The following C15orf40 variants were observed in gnomAD, a reference collection of about 807,000 sequenced individuals.
C15orf40 encodes the protein chromosome 15 open reading frame 40, also known as UPF0235 protein C15orf40.
C15orf40 carries 9 observed loss-of-function variants against 13.9 expected under a neutral mutation model. The observed-to-expected ratio is 0.65, with a 90% CI of 0.39 to 1.13. The LOEUF is 1.13. Ranked by LOEUF, C15orf40 falls within the 50% of genes most tolerant of loss-of-function variation. C15orf40 has a pLI of 0.01. For synonymous variants in C15orf40, 95 were observed against 69.2 expected, an observed-to-expected ratio of 1.37 and a Z score of -1.85; for missense variants, 225 against 188.5, an observed-to-expected ratio of 1.19 and a Z score of -1.13.
chr15:83,003,671 C>T lies in C15orf40; in HGVS notation c.*1926G>A, dbSNP rs1397844588. 1 of 152,198 alleles carries T rather than the reference C, an allele frequency of 6.6e-6. No homozygotes were observed. The highest frequency in any genetic ancestry group is 2.4e-5 in the African/African-American group (1 of 41,428). 9.4% of individuals were successfully genotyped at this position (152,198 alleles called of 1,614,324 possible). ...TGCACTGTGATCTCACATAAGCCAC[C>T]TTTTCTTGCCCTTGATACCTATTTG... On this transcript the variant is annotated 3_prime_UTR_variant, in exon 4 of 4. Coordinates refer to ENST00000304177, the MANE Select transcript of C15orf40 (RefSeq NM_144597.3).
Position 82,996,773 on chromosome 15 carries a change from A to G in C15orf40, c.*8824T>C, listed in dbSNP as rs1289215384. On this transcript the variant is annotated 3_prime_UTR_variant, in exon 4 of 4. Coordinates refer to ENST00000304177, the MANE Select transcript of C15orf40 (RefSeq NM_144597.3). ...GTAATCCCAGTAATTTGGGAGGCCAAGGCGGATGGATCGCCTGAGGTCAGG... is the reference window on the plus strand; with the variant it reads ...GTAATCCCAGTAATTTGGGAGGCCAGGGCGGATGGATCGCCTGAGGTCAGG... The G allele has an allele frequency of 6.6e-6, 1 of 151,794 alleles. No homozygotes were observed. The highest frequency in any genetic ancestry group is 1.5e-5 in the Non-Finnish European group (1 of 67,970). 9.4% of individuals were successfully genotyped at this position (151,794 alleles called of 1,614,324 possible).
At chr15:82,992,331 T>TA (rs934027192), downstream of C15orf40, among the ~76,000 whole-genome samples, 2 of 151,876 alleles carry the variant, frequency 1.3e-5, no homozygotes, top group African/African-American at 4.8e-5. Context: ...GCCTGGCCAA[T>TA]ATGGTGAAAT....
In C15orf40 at chr15:82,997,593, T is replaced by C. The variant is rs1383717476; in HGVS notation, c.*8004A>G. 2.8e-5 allele frequency: 8 copies of C among 283,764 alleles called. No individual in the cohort carries two copies. Among genetic ancestry groups the C allele is most frequent in the East Asian group, 1.5e-4 (1 of 6,744 alleles). The allele number at this position is 283,764 out of a possible 1,614,324, so 17.6% of individuals were successfully genotyped here. A position where few individuals can be genotyped will look rare whatever the true frequency, so the allele number is the denominator to read the frequency against. ...GCAGAACAAAATGAAAAGTCTCCCATGTCTACTTCTTTCCACACAGACACA... is the reference window on the plus strand; with the variant it reads ...GCAGAACAAAATGAAAAGTCTCCCACGTCTACTTCTTTCCACACAGACACA... On this transcript the variant is annotated 3_prime_UTR_variant, in exon 4 of 4. Coordinates refer to ENST00000304177, the MANE Select transcript of C15orf40 (RefSeq NM_144597.3).
chr15:82,991,794 A>G, downstream of C15orf40: 1 of 1,001,080 alleles, frequency 1.0e-6, no homozygotes. Context: ...TAACCTCCCT[A>G]ATTACATCAG....
At chr15:83,006,521 A>G in intron 3 of C15orf40, 1 of 967,158 alleles carries the variant, frequency 1.0e-6, no homozygotes, top group Non-Finnish European at 1.2e-6. Flanking sequence ...GCACTCTGGG[A>G]GGCTGAGGCG....
At chr15:83,011,438 G>A in intron 1 of C15orf40, 59 bp downstream of exon 1, 1 of 1,515,636 alleles carries the variant, frequency 6.6e-7, no homozygotes, top group Admixed American at 1.9e-5. Flanking sequence ...CTTCTCCCGC[G>A]CTCTTCAACA....
At chr15:83,010,647 T>A (rs900712255) in intron 1 of C15orf40, 6 of 311,036 alleles carry the variant, frequency 1.9e-5, no homozygotes, top group African/African-American at 1.1e-4. Flanking sequence ...GCTTTGTATT[T>A]CCAATTCCTT....
chr15:83,011,326 C>G, intron 1 of C15orf40, 171 bp downstream of exon 1: 1 of 672,230 alleles, frequency 1.5e-6, no homozygotes, highest in Non-Finnish European at 2.2e-6. Flanking sequence ...GGCGGGGCGA[C>G]GGCAGCAGGC....
chr15:83,008,346 C>G, intron 3 of C15orf40: 1 of 487,802 alleles, frequency 2.1e-6, no homozygotes, highest in Non-Finnish European at 3.7e-6. Flanking sequence ...TGGTGAAACT[C>G]CGTCTCTATT....
rs1305186119 is a variant in C15orf40, at chr15:83,002,736, G to GA, written c.*2860dup. The GA allele has an allele frequency of 1.3e-5, 2 of 152,232 alleles. No individual in the cohort carries two copies. The highest frequency in any genetic ancestry group is 4.8e-5 in the African/African-American group (2 of 41,450). 9.4% of individuals were successfully genotyped at this position (152,232 alleles called of 1,614,324 possible). On this transcript the variant is annotated 3_prime_UTR_variant, in exon 4 of 4. Coordinates refer to ENST00000304177, the MANE Select transcript of C15orf40 (RefSeq NM_144597.3). ...AACCTGGTTGGCCTTTTGTCTACAT[G>GA]AAACAAGTGGGCCTGAGGATGAAAC... is the stretch of plus-strand genomic sequence containing the variant.
Position 83,011,615 on chromosome 15 carries a change from T to A in C15orf40, c.-8A>T. ...GCTGCGGAGCCGCAGCATCCCCGCC[T>A]GGGAAGGCGCCGGAAGAGCCCTCTG... On this transcript the variant is annotated 5_prime_UTR_variant, in exon 1 of 4. Coordinates refer to ENST00000304177, the MANE Select transcript of C15orf40 (RefSeq NM_144597.3). The A allele has an allele frequency of 6.4e-7, 1 of 1,567,320 alleles. No homozygotes were observed. The highest frequency in any genetic ancestry group is 8.6e-7 in the Non-Finnish European group (1 of 1,161,148).
At chr15:82,989,091 G>C (rs147997413), downstream of C15orf40, 59 of 1,613,728 alleles carry the variant, frequency 3.7e-5, no homozygotes, top group Non-Finnish European at 4.3e-5. Flanking sequence ...AAATGACAAG[G>C]AGTATCAGGA....
rs2030990842 is a variant in C15orf40, at chr15:82,994,895, A to G, written c.*10702T>C. ...ACTCTCAAATTTTAAAATTGATTTAAGCCCAGTAGCAGAAAATACTCTTGA... is the reference window on the plus strand; with the variant it reads ...ACTCTCAAATTTTAAAATTGATTTAGGCCCAGTAGCAGAAAATACTCTTGA... On this transcript the variant is annotated 3_prime_UTR_variant, in exon 4 of 4. Coordinates refer to ENST00000304177, the MANE Select transcript of C15orf40 (RefSeq NM_144597.3). 1 of 152,242 alleles carries G rather than the reference A, an allele frequency of 6.6e-6. No individual in the cohort carries two copies. 9.4% of individuals were successfully genotyped at this position (152,242 alleles called of 1,614,324 possible).
At chr15:82,989,202 A>C, downstream of C15orf40, 1 of 1,610,650 alleles carries the variant, frequency 6.2e-7, no homozygotes, top group Non-Finnish European at 8.5e-7. Context: ...TGTATTCAAA[A>C]GAATAAATGC....
chr15:82,991,071 G>A (rs1364901824), downstream of C15orf40: 2 of 156,300 alleles, frequency 1.3e-5, no homozygotes, highest in African/African-American at 2.4e-5. Flanking sequence ...CTGGCAGTTA[G>A]CCCATTTATT....
intron 2 of C15orf40, among the ~76,000 whole-genome samples, chr15:83,009,114 C>T (rs1484704048): frequency 6.6e-6 from 1 of 151,902 alleles, no homozygotes; most frequent in Non-Finnish European, 1.5e-5. Flanking sequence ...AATGAGAGCC[C>T]CGGACTAGGT....
At position 83,004,293 on chromosome 15, in the gene C15orf40, T is replaced by A; in HGVS notation, c.*1304A>T. On this transcript the variant is annotated 3_prime_UTR_variant, in exon 4 of 4. Transcript: ENST00000304177. ...GCCCAGCTACCATCAGCAATTTTTA[T>A]TATTGTTCTTCCTTGTGGATTTTGT... 1.0e-6 allele frequency: 1 copy of A among 983,772 alleles called. No homozygotes were observed. Among genetic ancestry groups the A allele is most frequent in the African/African-American group, 1.7e-5 (1 of 57,294 alleles). The allele number at this position is 983,772 out of a possible 1,614,324, so 60.9% of individuals were successfully genotyped here.
downstream of C15orf40, among the ~76,000 whole-genome samples, chr15:82,989,640 T>C (rs1417946479): frequency 6.6e-6 from 1 of 152,234 alleles, no homozygotes; most frequent in East Asian, 1.9e-4. Context: ...TTTGGAACTA[T>C]TCTATTGGTT....
rs1232981531 is a variant in C15orf40, at chr15:83,004,954, T to A, written c.*643A>T. 1 of 1,289,062 alleles carries A rather than the reference T, an allele frequency of 7.8e-7. No individual in the cohort carries two copies. The allele number at this position is 1,289,062 out of a possible 1,614,324, so 79.9% of individuals were successfully genotyped here. On this transcript the variant is annotated 3_prime_UTR_variant, in exon 4 of 4. Coordinates refer to ENST00000304177, the MANE Select transcript of C15orf40 (RefSeq NM_144597.3). ...GTTGCCAGCTTGCATGGTACAATCT[T>A]GAGTAAGTCTCTCAACTTCTGGATA...
Sources: allele counts gnomAD v4.1 joint callset (sites outside exome capture counted in the v4.1 genomes callset), GRCh38; gene constraint gnomAD v4.1.1; transcripts MANE v1.5; gene names NCBI Gene and HGNC (gene_info 2026-07-23, HGNC 2026-07-21).